Variants in CD274 observed in about 807,000 individuals in gnomAD.
CD274 encodes the protein CD274 molecule, also known as programmed cell death 1 ligand 1.
In CD274, 8 loss-of-function variants were observed where a neutral mutation model predicts 30.1. The observed-to-expected ratio is 0.27, with a 90% CI of 0.16 to 0.48. CD274 has a LOEUF of 0.48. CD274 is among the 20% of genes least tolerant of loss of function. CD274 has a pLI of 0.99. For synonymous variants in CD274, 152 were observed against 124.6 expected, an observed-to-expected ratio of 1.22 and a Z score of -1.46; for missense variants, 353 against 346.6, an observed-to-expected ratio of 1.02 and a Z score of -0.15.
At position 5,461,719 on chromosome 9, in the gene CD274, T is replaced by C. The variant is rs374453967; in HGVS notation, c.395-1115T>C. Among the ~76,000 whole-genome samples, 25 of 152,170 alleles carry C rather than the reference T, an allele frequency of 1.6e-4. 2 individuals carry two copies. The highest frequency in any genetic ancestry group is 1.2e-3 in the Admixed American group (19 of 15,264). ...TGAATAAACATGAATAAAGCTCTTATGCTATATAGGTGCACTAAACAATCT... is the reference window on the plus strand; with the variant it reads ...TGAATAAACATGAATAAAGCTCTTACGCTATATAGGTGCACTAAACAATCT... On this transcript the variant is annotated intron_variant, in intron 3 of 6. Transcript: ENST00000381577.
intron 3 of CD274, among the ~76,000 whole-genome samples, chr9:5,462,363 A>C (rs569685078): frequency 6.6e-6 from 1 of 152,314 alleles, no homozygotes; most frequent in Non-Finnish European, 1.5e-5. Flanking sequence ...TCCAAGAATA[A>C]ATTTAAGAAG....
intron 6 of CD274, among the ~76,000 whole-genome samples, chr9:5,467,220 G>C (rs1015606004): frequency 5.3e-5 from 8 of 151,906 alleles, no homozygotes; most frequent in Non-Finnish European, 7.4e-5. Context: ...GAGAGAGAGA[G>C]AGAGAGAAAT....
chr9:5,463,191 T>C (rs1323819478), intron 4 of CD274, 70 bp downstream of exon 4: 2 of 1,159,778 alleles, frequency 1.7e-6, no homozygotes, highest in Non-Finnish European at 2.5e-6. Context: ...GATGTCTGCC[T>C]ATCATAGTCA....
At position 5,457,436 on chromosome 9, in the gene CD274, G is replaced by C. The variant is rs1819326705; in HGVS notation, c.394+16G>C. 1.3e-6 allele frequency: 2 copies of C among 1,590,200 alleles called. No individual in the cohort carries two copies. Among genetic ancestry groups the C allele is most frequent in the Non-Finnish European group, 1.7e-6 (2 of 1,159,042 alleles). ...AAAGTCAATGGTAAGAATTATTATAGATGAGAGGCCTGATCTTTATTGAAA... is the reference window on the plus strand; with the variant it reads ...AAAGTCAATGGTAAGAATTATTATACATGAGAGGCCTGATCTTTATTGAAA... On this transcript the variant is annotated intron_variant, in intron 3 of 6. Coordinates refer to ENST00000381577, the MANE Select transcript of CD274 (RefSeq NM_014143.4).
At chr9:5,461,116 AG>A (rs1205962259) in intron 3 of CD274, among the ~76,000 whole-genome samples, 7 of 152,198 alleles carry the variant, frequency 4.6e-5, no homozygotes, top group African/African-American at 1.7e-4. Context: ...TCATTAACAA[AG>A]GTGGATGGTG....
rs1292935648 is a variant in CD274 at position 5,466,843 on chromosome 9, A to C, written c.850+14A>C. On this transcript the variant is annotated intron_variant, in intron 6 of 6. Transcript: ENST00000381577. ...AGAAGCAAAGTGGTAAGAATATCAG[A>C]AGGAATTGGGAAGTAAAAGTCAAAG... 6.3e-7 allele frequency: 1 copy of C among 1,598,634 alleles called. No individual in the cohort carries two copies. The highest frequency in any genetic ancestry group is 1.7e-5 in the Admixed American group (1 of 59,116).
At chr9:5,459,429 G>T (rs1385987074) in intron 3 of CD274, among the ~76,000 whole-genome samples, 1 of 152,156 alleles carries the variant, frequency 6.6e-6, no homozygotes, top group Non-Finnish European at 1.5e-5. Context: ...CAGCTGGCTT[G>T]CAGGAGCTTC....
At position 5,467,845 on chromosome 9, in the gene CD274, C is replaced by T. The variant is rs1460086933; in HGVS notation, c.856C>T (p.His286Tyr). The T allele has an allele frequency of 1.2e-6, 2 of 1,608,442 alleles. No individual in the cohort carries two copies. The highest frequency in any genetic ancestry group is 1.7e-6 in the Non-Finnish European group (2 of 1,174,986). The part of the protein sequence containing the change: ...DTNSKKQSDT[H>Y]LEET ...ATACTATTATCACTCTCCAGATACACATTTGGAGGAGACGTAATCCAGCAT... is the reference window on the plus strand; with the variant it reads ...ATACTATTATCACTCTCCAGATACATATTTGGAGGAGACGTAATCCAGCAT... Residue 286 changes from histidine (H) to tyrosine (Y), a missense_variant, in exon 7 of 7, where the codon CAT (histidine) becomes TAT (tyrosine). Physicochemically the swap from His to Tyr is moderately conservative, Grantham distance 83. Coordinates refer to ENST00000381577, the MANE Select transcript of CD274 (RefSeq NM_014143.4).
chr9:5,464,858 GGGC>G (rs1819469451), intron 4 of CD274, among the ~76,000 whole-genome samples: 1 of 152,150 alleles, frequency 6.6e-6, no homozygotes, highest in African/African-American at 2.4e-5. Flanking sequence ...AGGCCAAGGT[GGGC>G]AGATCACTTG....
At position 5,467,918 on chromosome 9, in the gene CD274, G is replaced by T. The variant is rs545954644; in HGVS notation, c.*56G>T. On this transcript the variant is annotated 3_prime_UTR_variant, in exon 7 of 7. Transcript: ENST00000381577. ...GGGATTCTCAACCTGTGGTTTAGGG[G>T]TTCATCGGGGCTGAGCGTGACAAGA... 1.1e-5 allele frequency: 16 copies of T among 1,466,674 alleles called. No individual in the cohort carries two copies. The East Asian group carries it at 2.5e-4, about 23-fold the overall frequency. The allele number at this position is 1,466,674 out of a possible 1,614,324, so 90.9% of individuals were successfully genotyped here.
chr9:5,452,163 C>A (rs1195417607), intron 1 of CD274, among the ~76,000 whole-genome samples: 1 of 151,706 alleles, frequency 6.6e-6, no homozygotes, highest in Non-Finnish European at 1.5e-5. Context: ...ACTACAGGCA[C>A]CTGCCACCAC....
intron 2 of CD274, among the ~76,000 whole-genome samples, chr9:5,456,629 C>G (rs1455357815): frequency 1.3e-5 from 2 of 152,314 alleles, no homozygotes; most frequent in East Asian, 3.9e-4. Flanking sequence ...TCCTGAACTC[C>G]ATACCAATGT....
At chr9:5,464,637 CAAACTGCAGAGA>C (rs981728446) in intron 4 of CD274, among the ~76,000 whole-genome samples, 3 of 152,140 alleles carry the variant, frequency 2.0e-5, no homozygotes, top group African/African-American at 7.2e-5. Context: ...CAGAGATGTT[CAAACTGCAGAGA>C]AAGATAAGAC....
chr9:5,468,642 A>G lies in CD274; in HGVS notation c.*780A>G, dbSNP rs1468780320. The G allele has an allele frequency of 4.3e-6, 1 of 232,868 alleles. No homozygotes were observed. Among genetic ancestry groups the G allele is most frequent in the Non-Finnish European group, 8.5e-6 (1 of 117,882 alleles). The allele number at this position is 232,868 out of a possible 1,614,324, so 14.4% of individuals were successfully genotyped here. Reference sequence around the variant, plus strand: ...GCAGTATCTGTTCCATTTAAATATCAGCTTTACAATTATGTGGTAGCCTAC... The same window carrying G: ...GCAGTATCTGTTCCATTTAAATATCGGCTTTACAATTATGTGGTAGCCTAC... On this transcript the variant is annotated 3_prime_UTR_variant, in exon 7 of 7. Transcript: ENST00000381577.
At chr9:5,457,716 G>C (rs140679417) in intron 3 of CD274, among the ~76,000 whole-genome samples, 68 of 152,274 alleles carry the variant, frequency 4.5e-4, no homozygotes, top group African/African-American at 1.6e-3. Flanking sequence ...ACGTATACTT[G>C]CAAATAATTC....
At chr9:5,454,448 T>G (rs183243579) in intron 1 of CD274, among the ~76,000 whole-genome samples, 11 of 152,280 alleles carry the variant, frequency 7.2e-5, no homozygotes, top group Admixed American at 2.0e-4. Context: ...TTCTGCTACA[T>G]GTAGTGTTCT....
intron 4 of CD274, among the ~76,000 whole-genome samples, chr9:5,464,239 A>G (rs1238615438): frequency 6.6e-6 from 1 of 152,182 alleles, no homozygotes; most frequent in East Asian, 1.9e-4. Context: ...AAGCTGTTTT[A>G]TGACAACTTA....
At chr9:5,464,900 A>T (rs1819470244) in intron 4 of CD274, among the ~76,000 whole-genome samples, 1 of 152,156 alleles carries the variant, frequency 6.6e-6, no homozygotes, top group South Asian at 2.1e-4. Flanking sequence ...CAGCCTGGCC[A>T]ACATGGTGAA....
chr9:5,452,020 T>C (rs992966851), intron 1 of CD274, among the ~76,000 whole-genome samples: 11 of 115,486 alleles, frequency 9.5e-5, no homozygotes, highest in Non-Finnish European at 5.2e-5. Context: ...AACCGGTTTT[T>C]TTTGTCTTTT....
Sources: allele counts gnomAD v4.1 joint callset (sites outside exome capture counted in the v4.1 genomes callset), GRCh38; gene constraint gnomAD v4.1.1; transcripts MANE v1.5; gene names NCBI Gene and HGNC (gene_info 2026-07-23, HGNC 2026-07-21).